CTIF: variants seen among roughly 807,000 people sequenced by gnomAD.
The protein encoded by CTIF is cap binding complex dependent translation initiation factor, also known as CBP80/20-dependent translation initiation factor.
A neutral mutation model predicts 66.0 loss-of-function variants in CTIF; 21 were observed. The observed-to-expected ratio is 0.32, with a 90% CI of 0.23 to 0.46. The LOEUF is 0.46. Ranked by LOEUF, CTIF falls within the 20% of genes least tolerant of loss-of-function variation. The pLI, the probability that CTIF is intolerant of heterozygous loss-of-function variation, is 1.00. For missense variants in CTIF, 739 were observed against 812.7 expected (o/e 0.91, Z 1.10); for synonymous variants, 345 against 326.4 (o/e 1.06, Z -0.62).
chr18:48,818,911 G>T (rs919435117), intron 10 of CTIF, among the ~76,000 whole-genome samples: 2 of 152,164 alleles, frequency 1.3e-5, no homozygotes, highest in African/African-American at 2.4e-5. Flanking sequence ...AAGTTTTTCT[G>T]TGAATGGCAG....
chr18:48,542,972 CAG>C (rs1271007271), intron 1 of CTIF, among the ~76,000 whole-genome samples: 3 of 152,222 alleles, frequency 2.0e-5, no homozygotes, highest in African/African-American at 7.2e-5. Context: ...TGCTGTGACT[CAG>C]GGACAGGCTG....
At chr18:48,720,884 A>G (rs1382338242) in intron 7 of CTIF, among the ~76,000 whole-genome samples, 1 of 152,194 alleles carries the variant, frequency 6.6e-6, no homozygotes, top group Non-Finnish European at 1.5e-5. Flanking sequence ...CATGAGGGAT[A>G]TACCTTCCCC....
chr18:48,647,933 G>A (rs2091078767), intron 3 of CTIF, among the ~76,000 whole-genome samples: 1 of 152,184 alleles, frequency 6.6e-6, no homozygotes, highest in Admixed American at 6.5e-5. Context: ...TCCCTGTGAG[G>A]CAACCTTGGA....
intron 9 of CTIF, among the ~76,000 whole-genome samples, chr18:48,775,416 C>T (rs904748093): frequency 3.9e-5 from 6 of 152,238 alleles, no homozygotes; most frequent in Non-Finnish European, 5.9e-5. Flanking sequence ...GCAGGGAAAG[C>T]GCCATGAGAT....
At chr18:48,600,512 G>C (rs1030126263) in intron 1 of CTIF, among the ~76,000 whole-genome samples, 2 of 152,094 alleles carry the variant, frequency 1.3e-5, no homozygotes, top group Non-Finnish European at 1.5e-5. Context: ...CTTGAGCAGA[G>C]CCCATCTCTC....
chr18:48,637,011 C>T (rs931592015), intron 3 of CTIF, among the ~76,000 whole-genome samples: 5 of 152,212 alleles, frequency 3.3e-5, no homozygotes, highest in Admixed American at 2.0e-4. Flanking sequence ...GAATATTACA[C>T]GGCTCTCAAA....
In CTIF at chr18:48,761,437, C is replaced by T; in HGVS notation, c.1119C>T (p.Asp373=). 6.2e-7 allele frequency: 1 copy of T among 1,614,122 alleles called. No homozygotes were observed. Among genetic ancestry groups the T allele is most frequent in the Non-Finnish European group, 8.5e-7 (1 of 1,180,052 alleles). The change falls in exon 9 of 12, where the codon GAC becomes GAT. Residue 373 remains aspartate (D), a synonymous_variant. Coordinates refer to ENST00000256413, the MANE Select transcript of CTIF (RefSeq NM_014772.3). This position sits in a 1 kb window ranked among gnomAD's most constrained non-coding sequence, Gnocchi z 4.2. The part of the protein sequence containing the change: ...ETTTPQQNKM[D]KLIEILNSMR... Reference sequence around the variant, plus strand: ...CCACTCCCCAGCAGAACAAGATGGACAAGCTGATCGAGATCCTGAACAGCA... The same window carrying T: ...CCACTCCCCAGCAGAACAAGATGGATAAGCTGATCGAGATCCTGAACAGCA...
rs1042197767 is a variant in CTIF, at chr18:48,559,310, C to T, written c.-29+19998C>T. 1.1e-4 allele frequency among the ~76,000 whole-genome samples: 17 copies of T among 151,810 alleles called. 1 individual carries two copies. Among genetic ancestry groups the T allele is most frequent in the African/African-American group, 3.6e-4 (15 of 41,308 alleles). On this transcript the variant is annotated intron_variant, in intron 1 of 11. Transcript: ENST00000256413. ...CTAGTTTTCCCCGAATATCTTAGCT[C>T]GTTTATTAATATGATAGAATGTTAA...
chr18:48,546,030 C>A (rs2088740177), intron 1 of CTIF, among the ~76,000 whole-genome samples: 1 of 152,140 alleles, frequency 6.6e-6, no homozygotes, highest in Admixed American at 6.5e-5. Context: ...CCACAGTGAG[C>A]AGAGCCCTGT....
intron 1 of CTIF, among the ~76,000 whole-genome samples, chr18:48,586,496 C>T (rs1210055972): frequency 6.6e-6 from 1 of 152,120 alleles, no homozygotes; most frequent in Non-Finnish European, 1.5e-5. Context: ...GTCTCAAACT[C>T]CTGACCTCAA....
chr18:48,676,235 A>C (rs2091627448), intron 6 of CTIF, among the ~76,000 whole-genome samples: 1 of 151,986 alleles, frequency 6.6e-6, no homozygotes, highest in Admixed American at 6.5e-5. Flanking sequence ...TCCTTATATC[A>C]CACAGTGGCC....
intron 9 of CTIF, among the ~76,000 whole-genome samples, chr18:48,767,556 G>C (rs1909694569): frequency 6.6e-6 from 1 of 152,106 alleles, no homozygotes; most frequent in South Asian, 2.1e-4. Flanking sequence ...ACTGAACCCA[G>C]CTCTCCCTAG....
chr18:48,543,279 C>A (rs529908405), intron 1 of CTIF, among the ~76,000 whole-genome samples: 2 of 152,250 alleles, frequency 1.3e-5, no homozygotes, highest in Admixed American at 1.3e-4. Flanking sequence ...AGGCAAATTG[C>A]AGTTTCTGAG....
chr18:48,554,936 A>C (rs183722191), intron 1 of CTIF, among the ~76,000 whole-genome samples: 202 of 152,314 alleles, frequency 1.3e-3, no homozygotes, highest in African/African-American at 4.6e-3. Flanking sequence ...CTGTGATCTG[A>C]GAGGCACACA....
chr18:48,766,630 A>G (rs9947325), intron 9 of CTIF, among the ~76,000 whole-genome samples: 1,823 of 152,330 alleles, frequency 0.012, 36 homozygotes, highest in African/African-American at 0.04. Context: ...GAGACACCGA[A>G]CTGGTTCATC....
At chr18:48,746,148 A>T (rs534000172) in intron 7 of CTIF, among the ~76,000 whole-genome samples, 21 of 152,296 alleles carry the variant, frequency 1.4e-4, no homozygotes, top group African/African-American at 5.1e-4. Context: ...TCTGTGTCCC[A>T]TCTGTGGGGC....
intron 7 of CTIF, 95 bp from the exon 8 acceptor site, chr18:48,757,824 C>A: frequency 6.8e-7 from 1 of 1,463,200 alleles, no homozygotes; most frequent in Non-Finnish European, 9.2e-7. Context: ...AATATATGGA[C>A]AAGGCAATGA....
Position 48,616,585 on chromosome 18 carries a change from C to T in CTIF, c.-28-2953C>T, listed in dbSNP as rs188688254. Among the ~76,000 whole-genome samples, 752 of 152,298 alleles carry T rather than the reference C, an allele frequency of 4.9e-3. 5 individuals carry two copies. The highest frequency in any genetic ancestry group is 7.2e-3 in the Non-Finnish European group (490 of 68,024). ...AAGTTACTTAATCTCTCTGAACCTC[C>T]GTTTTCTCTTCTAAGTAGCATAATT... On this transcript the variant is annotated intron_variant, in intron 1 of 11. Coordinates refer to ENST00000256413, the MANE Select transcript of CTIF (RefSeq NM_014772.3).
intron 10 of CTIF, among the ~76,000 whole-genome samples, chr18:48,851,613 C>T (rs2069201845): frequency 6.6e-6 from 1 of 152,112 alleles, no homozygotes; most frequent in Admixed American, 6.5e-5. Flanking sequence ...ACCAGAGCCC[C>T]CTGAGAAGCT....
Sources: allele counts gnomAD v4.1 joint callset (sites outside exome capture counted in the v4.1 genomes callset), GRCh38; gene constraint gnomAD v4.1.1; non-coding constraint Gnocchi (gnomAD v3.1); transcripts MANE v1.5; gene names NCBI Gene and HGNC (gene_info 2026-07-23, HGNC 2026-07-21).